The following SYN2 variants were observed in gnomAD, a reference collection of about 807,000 sequenced individuals.
The protein encoded by SYN2 is synapsin-2.
Under a neutral mutation model 50.9 loss-of-function variants are expected in SYN2, and 19 were observed. The ratio of observed to expected loss-of-function variants is 0.37; its 90% CI spans 0.26 to 0.55. The LOEUF (loss-of-function observed/expected upper bound fraction) is 0.55. SYN2 is among the 20% of genes least tolerant of loss of function. SYN2 has a pLI of 0.81. For missense variants in SYN2, 587 were observed against 576.4 expected, an observed-to-expected ratio of 1.02 and a Z score of -0.19; for synonymous variants, 255 against 224.9, an observed-to-expected ratio of 1.13 and a Z score of -1.20.
At chr3:12,050,877 A>G (rs1694846162) in intron 1 of SYN2, among the ~76,000 whole-genome samples, 1 of 150,486 alleles carries the variant, frequency 6.6e-6, no homozygotes, top group African/African-American at 2.4e-5. Context: ...CTGGGACTAC[A>G]GGCGCCCGCC....
chr3:12,166,014 C>T (rs1207713325), intron 7 of SYN2, among the ~76,000 whole-genome samples: 2 of 152,148 alleles, frequency 1.3e-5, no homozygotes, highest in African/African-American at 4.8e-5. Flanking sequence ...AGAATTTCAG[C>T]CTGCTCACAA....
chr3:12,049,529 A>AAT lies in SYN2; in HGVS notation c.377+44602_377+44603insTA, dbSNP rs57600259. On this transcript the variant is annotated intron_variant, in intron 1 of 12. Transcript: ENST00000621198. The stretch of plus-strand genomic sequence containing the variant: ...GTGAGACTCCGTCTCAAAAAAAAAA[A>AAT]AATAATAAAAAATAAAAAAACTGAA... Among the ~76,000 whole-genome samples the AAT allele has an allele frequency of 1.3e-3, 36 of 28,502 alleles. 1 individual carries two copies. Among genetic ancestry groups the AAT allele is most frequent in the East Asian group, 6.8e-3 (5 of 732 alleles). The allele number at this position is 28,502 out of a possible 152,430, so 18.7% of individuals were successfully genotyped here.
intron 9 of SYN2, among the ~76,000 whole-genome samples, chr3:12,168,695 G>A (rs2125242915): frequency 6.6e-6 from 1 of 152,314 alleles, no homozygotes; most frequent in African/African-American, 2.4e-5. Context: ...TGGGAAGACT[G>A]TGGTGATGTT....
Position 12,187,382 on chromosome 3 carries a change from AC to A in SYN2, c.1387del (p.Gln463LysfsTer81). The A allele has an allele frequency of 6.5e-7, 1 of 1,546,670 alleles. No individual in the cohort carries two copies. The highest frequency in any genetic ancestry group is 1.2e-5 in the South Asian group (1 of 83,910). ...TACTGAACCTAGGGGGCCCTGGGCAACCCCAAGGAATGCAGCCCCCAGGCAA... is the reference window on the plus strand; with the variant it reads ...TACTGAACCTAGGGGGCCCTGGGCAACCCAAGGAATGCAGCCCCCAGGCAA... ...RPPPQGGPGQPQGMQPPGKVL... is the reference protein window; with the variant it reads ...RPPPQGGPGQXQGMQPPGKVL... On this transcript the variant is annotated frameshift_variant, in exon 12 of 13. Transcript: ENST00000621198. LOFTEE classifies it high-confidence loss of function.
At chr3:12,190,379 G>C in intron 12 of SYN2, 111 bp from the exon 13 acceptor site, 5 of 1,284,186 alleles carry the variant, frequency 3.9e-6, no homozygotes, top group Admixed American at 1.9e-5. Context: ...CATCACCTTG[G>C]TTTCCCAGGG....
chr3:12,187,051 G>C (rs967543573), intron 11 of SYN2, among the ~76,000 whole-genome samples: 2 of 152,156 alleles, frequency 1.3e-5, no homozygotes, highest in Admixed American at 1.3e-4. Flanking sequence ...CCTCTAGAGA[G>C]GAGGGGAGAG....
At chr3:12,159,327 G>A (rs1697571177) in intron 5 of SYN2, 1 of 157,570 alleles carries the variant, frequency 6.3e-6, no homozygotes, top group South Asian at 2.0e-4. Flanking sequence ...GACAGTGACA[G>A]AGAAGGACGG....
At chr3:12,176,668 A>G (rs1331586092) in intron 10 of SYN2, among the ~76,000 whole-genome samples, 3 of 152,262 alleles carry the variant, frequency 2.0e-5, no homozygotes, top group Non-Finnish European at 4.4e-5. Context: ...TCCGATCAGA[A>G]TGTGCTCAGA....
chr3:12,183,815 G>A (rs1029292553), intron 11 of SYN2: 55 of 1,027,326 alleles, frequency 5.4e-5, no homozygotes, highest in Non-Finnish European at 6.1e-5. Flanking sequence ...GGGGAGAAAC[G>A]AAAACCACAA....
At position 12,183,355 on chromosome 3, in the gene SYN2, A is replaced by G. The variant is rs1559458727; in HGVS notation, c.1352A>G (p.Gln451Arg). Residue 451 changes from glutamine to arginine, a missense_variant, in exon 11 of 13, where the codon CAG (glutamine) becomes CGG (arginine). Transcript: ENST00000621198. ...KDPDSSKTPP[Q>R]RPPPQGGPGQ... The stretch of plus-strand genomic sequence containing the variant: ...CCGGACTCAAGCAAGACCCCACCTC[A>G]GCGGCCACCCCCTCAAGGTTGTTTA... 1.9e-6 allele frequency: 3 copies of G among 1,613,714 alleles called. No homozygotes were observed. The highest frequency in any genetic ancestry group is 2.2e-5 in the East Asian group (1 of 44,884).
At chr3:12,023,405 G>C (rs1452007048) in intron 1 of SYN2, among the ~76,000 whole-genome samples, 1 of 152,052 alleles carries the variant, frequency 6.6e-6, no homozygotes, top group Non-Finnish European at 1.5e-5. Context: ...AGAGAGGATA[G>C]GGAGGTAGCT....
chr3:12,141,755 A>G (rs747521276), intron 2 of SYN2, 150 bp from the exon 3 acceptor site: 3 of 607,404 alleles, frequency 4.9e-6, no homozygotes, highest in Non-Finnish European at 9.1e-6. Flanking sequence ...CCTTCATCAC[A>G]GTGTTGCTAT....
At chr3:12,107,324 G>A (rs1459891989) in intron 1 of SYN2, among the ~76,000 whole-genome samples, 1 of 152,168 alleles carries the variant, frequency 6.6e-6, no homozygotes, top group Non-Finnish European at 1.5e-5. Context: ...ACTATCTAAT[G>A]CTAATGTTTT....
At chr3:12,089,585 G>C (rs145677004) in intron 1 of SYN2, among the ~76,000 whole-genome samples, 4 of 152,268 alleles carry the variant, frequency 2.6e-5, no homozygotes, top group Non-Finnish European at 5.9e-5. Flanking sequence ...CAAGGCAGGG[G>C]GATTACTTGA....
At chr3:12,026,245 C>T (rs536708557) in intron 1 of SYN2, among the ~76,000 whole-genome samples, 2 of 152,158 alleles carry the variant, frequency 1.3e-5, no homozygotes, top group South Asian at 4.2e-4. Context: ...ACTGAGCTTT[C>T]TCCTGAGAAT....
intron 10 of SYN2, among the ~76,000 whole-genome samples, chr3:12,176,189 GGCTCTGA>G (rs1698063501): frequency 6.6e-6 from 1 of 152,184 alleles, no homozygotes; most frequent in Non-Finnish European, 1.5e-5. Context: ...TGCATCCTAG[GGCTCTGA>G]TGAGGTGTGG....
intron 11 of SYN2, among the ~76,000 whole-genome samples, chr3:12,186,605 G>A (rs937385156): frequency 6.6e-6 from 1 of 152,156 alleles, no homozygotes; most frequent in South Asian, 2.1e-4. Flanking sequence ...AGGCAAAACA[G>A]TGCCTAGGAA....
In SYN2 at chr3:12,064,741, G is replaced by A. The variant is rs577800930; in HGVS notation, c.377+59813G>A. ...GACAGAGAATAACAAGTGTTGGTGA[G>A]GATGTGGAGAAATTGGAACCCTTAT... On this transcript the variant is annotated intron_variant, in intron 1 of 12. Transcript: ENST00000621198. 5.9e-5 allele frequency among the ~76,000 whole-genome samples: 9 copies of A among 152,210 alleles called. No individual in the cohort carries two copies. The East Asian group carries it at 1.7e-3, about 29-fold the overall frequency.
At chr3:12,038,610 A>T (rs760518706) in intron 1 of SYN2, among the ~76,000 whole-genome samples, 1 of 152,130 alleles carries the variant, frequency 6.6e-6, no homozygotes, top group African/African-American at 2.4e-5. Flanking sequence ...TTTTTAGTCT[A>T]TAAGTCTTGT....
Sources: gnomAD v4.1 joint callset for allele counts (sites outside exome capture counted in the v4.1 genomes callset) on GRCh38, gnomAD v4.1.1 for gene constraint, MANE v1.5 for transcripts, NCBI Gene and HGNC (gene_info 2026-07-23, HGNC 2026-07-21) for gene names.